Variants in PSME4 observed in about 807,000 individuals in gnomAD.
The protein encoded by PSME4 is proteasome activator subunit 4, also known as proteasome activator complex subunit 4.
PSME4 carries 89 observed loss-of-function variants against 253.9 expected under a neutral mutation model. The ratio of observed to expected loss-of-function variants is 0.35; its 90% confidence interval spans 0.30 to 0.42. The LOEUF (loss-of-function observed/expected upper bound fraction) is 0.42, where lower values mean the gene tolerates loss of function less well. Among genes scored for constraint, PSME4 ranks in the 10% least tolerant of loss-of-function variants. PSME4 has a pLI of 1.00. For synonymous variants in PSME4, 851 were observed against 759.2 expected, an observed-to-expected ratio of 1.12 and a Z score of -1.99; for missense variants, 2,014 against 2,195.2, an observed-to-expected ratio of 0.92 and a Z score of 1.65.
chr2:53,948,097 G>A (rs1208562972), intron 3 of PSME4, among the ~76,000 whole-genome samples: 2 of 152,216 alleles, frequency 1.3e-5, no homozygotes, highest in South Asian at 4.2e-4. Flanking sequence ...AATGATACCT[G>A]TCAGTCTAGT....
chr2:53,899,715 G>A (rs1680304931), intron 29 of PSME4, among the ~76,000 whole-genome samples, 166 bp downstream of exon 29: 3 of 151,994 alleles, frequency 2.0e-5, no homozygotes, highest in Non-Finnish European at 2.9e-5. Context: ...CTACTCGGGA[G>A]GCTGACGCAT....
chr2:53,865,815 T>G (rs936514101), intron 46 of PSME4: 10 of 358,606 alleles, frequency 2.8e-5, no homozygotes, highest in African/African-American at 2.1e-4. Flanking sequence ...TATTTTCCTT[T>G]ATCTAACTAT....
intron 26 of PSME4, among the ~76,000 whole-genome samples, chr2:53,906,246 T>A (rs1479856425): frequency 6.6e-6 from 1 of 152,182 alleles, no homozygotes; most frequent in Admixed American, 6.5e-5. Flanking sequence ...CAAAATGTGA[T>A]TGAAGTGCCA....
In PSME4 at chr2:53,864,473, TAAAG is replaced by T. The variant is rs766924440; in HGVS notation, c.*1101_*1104del. On this transcript the variant is annotated 3_prime_UTR_variant, in exon 47 of 47. Transcript: ENST00000404125. Reference sequence around the variant, plus strand: ...CCACATCTCAGTTTTTGTAACAAGATAAAGAAAATAATTTAAAAACACAAAAAAT... The same window carrying T: ...CCACATCTCAGTTTTTGTAACAAGATAAAATAATTTAAAAACACAAAAAAT... The T allele has an allele frequency of 1.3e-4, 20 of 148,268 alleles. No individual in the cohort carries two copies. The highest frequency in any genetic ancestry group is 2.8e-4 in the Non-Finnish European group (19 of 66,904). The allele number at this position is 148,268 out of a possible 1,614,324, so 9.2% of individuals were successfully genotyped here. A position where few individuals can be genotyped will look rare whatever the true frequency, so the allele number is the denominator to read the frequency against.
In PSME4 at chr2:53,866,363, G is replaced by A. The variant is rs972985013; in HGVS notation, c.5398-140C>T. 1.0e-5 allele frequency: 9 copies of A among 893,898 alleles called. No homozygotes were observed. In the African/African-American group the frequency reaches 1.0e-4, roughly 10 times the overall value. The allele number at this position is 893,898 out of a possible 1,614,324, so 55.4% of individuals were successfully genotyped here. A position where few individuals can be genotyped will look rare whatever the true frequency, so the allele number is the denominator to read the frequency against. ...AGTTCTACAAAACCAAAAAGCCAAT[G>A]AGAAGGACAAAGTGAATGGTCTTTT... On this transcript the variant is annotated intron_variant, in intron 45 of 46. Coordinates refer to ENST00000404125, the MANE Select transcript of PSME4 (RefSeq NM_014614.3).
intron 7 of PSME4, among the ~76,000 whole-genome samples, chr2:53,935,711 T>A (rs552145945): frequency 9.8e-5 from 15 of 152,314 alleles, no homozygotes; most frequent in African/African-American, 3.6e-4. Context: ...AACACATTTA[T>A]GATACCTTAA....
chr2:53,936,891 CTT>C (rs1315556162), intron 5 of PSME4, 64 bp from the exon 6 acceptor site: 5 of 1,128,456 alleles, frequency 4.4e-6, no homozygotes, highest in Non-Finnish European at 6.4e-6. Context: ...GCCAGCTATG[CTT>C]TGTCTTTTTT....
chr2:53,868,020 C>T (rs1678656973), intron 44 of PSME4, among the ~76,000 whole-genome samples: 1 of 151,976 alleles, frequency 6.6e-6, no homozygotes, highest in South Asian at 2.1e-4. Flanking sequence ...TGTTTTAAAG[C>T]ATATTACATT....
rs1483947773 is a variant in PSME4, at chr2:53,874,353, C to T, written c.5086G>A (p.Asp1696Asn). 1.2e-6 allele frequency: 2 copies of T among 1,609,592 alleles called. No homozygotes were observed. Among genetic ancestry groups the T allele is most frequent in the East Asian group, 4.5e-5 (2 of 44,856 alleles). ...TTAAATTTTACCTCCAGTTGTTCGT[C>T]CTCCAAAAGACTTATAACCAGCCAC... ...IRWLVISLLE[D>N]EQLEVREMAA... is the part of the protein sequence containing the mutation. The change falls in exon 43 of 47, where the codon GAC becomes AAC. Residue 1696 changes from aspartate (D) to asparagine (N), a missense_variant. Asp to Asn is a conservative substitution (Grantham distance 23, BLOSUM62 1). Around this residue, in one of 4 missense-constraint regions of PSME4, gnomAD observed 403 missense variants for 556.1 expected, o/e 0.72. Coordinates refer to ENST00000404125, the MANE Select transcript of PSME4 (RefSeq NM_014614.3).
rs779938099 is a variant in PSME4, at chr2:53,910,136, TA to T, written c.2517-7del. 6.2e-7 allele frequency: 1 copy of T among 1,603,606 alleles called. No homozygotes were observed. Among genetic ancestry groups the T allele is most frequent in the Non-Finnish European group, 8.5e-7 (1 of 1,170,470 alleles). On this transcript the variant is annotated splice_polypyrimidine_tract_variant and splice_region_variant and intron_variant, in intron 20 of 46. Transcript: ENST00000404125. ...AGGACACCATACTTGGTACTCTGTA[TA>T]AAAACAAGAGTGCTTGCATTTATTA...
chr2:53,926,082 T>G, intron 12 of PSME4, 59 bp from the exon 13 acceptor site: 1 of 1,383,030 alleles, frequency 7.2e-7, no homozygotes, highest in Non-Finnish European at 1.0e-6. Context: ...TTTCCTGAAC[T>G]AACAAAACTC....
At chr2:53,888,529 CACTT>C (rs1420755042) in intron 38 of PSME4, among the ~76,000 whole-genome samples, 188 bp downstream of exon 38, 3 of 152,200 alleles carry the variant, frequency 2.0e-5, no homozygotes, top group Admixed American at 6.5e-5. Context: ...GCCTACATCT[CACTT>C]ACTTGTCCAA....
chr2:53,895,812 T>C, intron 32 of PSME4, 76 bp from the exon 33 acceptor site: 1 of 1,336,176 alleles, frequency 7.5e-7, no homozygotes, highest in South Asian at 1.4e-5. Context: ...CAATCAACAG[T>C]ACCAGCATAA....
chr2:53,908,485 T>C (rs1237717221), intron 23 of PSME4, 25 bp downstream of exon 23: 4 of 1,609,566 alleles, frequency 2.5e-6, no homozygotes, highest in African/African-American at 1.3e-5. Flanking sequence ...TTAATCATTA[T>C]GCAACTATCA....
intron 41 of PSME4, among the ~76,000 whole-genome samples, chr2:53,880,537 A>G (rs997149127): frequency 6.6e-6 from 1 of 152,364 alleles, no homozygotes; most frequent in East Asian, 1.9e-4. Flanking sequence ...CAGAGGTTCC[A>G]TCAACAGAAA....
At position 53,866,876 on chromosome 2, in the gene PSME4, C is replaced by T; in HGVS notation, c.5268G>A (p.Leu1756=). The T allele has an allele frequency of 6.2e-7, 1 of 1,613,194 alleles. No homozygotes were observed. Among genetic ancestry groups the T allele is most frequent in the South Asian group, 1.1e-5 (1 of 90,806 alleles). Residue 1756 remains leucine, a synonymous_variant, in exon 45 of 47, where the codon TTG becomes TTA. Coordinates refer to ENST00000404125, the MANE Select transcript of PSME4 (RefSeq NM_014614.3). ...CTAGCACCCCAGCATGGCGTTTGACCAACTCTGCAAAGAGAATAGCAACAT... is the reference window on the plus strand; with the variant it reads ...CTAGCACCCCAGCATGGCGTTTGACTAACTCTGCAAAGAGAATAGCAACAT... ...SVGDTIPSAE[L]VKRHAGVLGL...
chr2:53,936,272 TTAAA>T, intron 6 of PSME4, 111 bp from the exon 7 acceptor site: 2 of 1,433,214 alleles, frequency 1.4e-6, no homozygotes, highest in Non-Finnish European at 9.2e-7. Flanking sequence ...TGCAATCTAC[TTAAA>T]TAGATAGTTT....
At chr2:53,921,127 T>C in intron 17 of PSME4, 23 bp from the exon 18 acceptor site, 1 of 1,611,920 alleles carries the variant, frequency 6.2e-7, no homozygotes, top group Non-Finnish European at 8.5e-7. Flanking sequence ...AAAAAATAGT[T>C]GAAGATATTT....
At chr2:53,894,793 C>G (rs1337719271) in intron 34 of PSME4, among the ~76,000 whole-genome samples, 1 of 152,094 alleles carries the variant, frequency 6.6e-6, no homozygotes, top group Non-Finnish European at 1.5e-5. Flanking sequence ...GGTAGTAACT[C>G]AGTCTTAGAT....
Sources: allele counts gnomAD v4.1 joint callset (sites outside exome capture counted in the v4.1 genomes callset), GRCh38; gene constraint gnomAD v4.1.1; regional missense constraint gnomAD v4.1.1; transcripts MANE v1.5; gene names NCBI Gene and HGNC (gene_info 2026-07-23, HGNC 2026-07-21).